PCDH15: variants seen among roughly 807,000 people sequenced by gnomAD.
PCDH15 encodes the protein protocadherin-15.
Under a neutral mutation model 178.5 loss-of-function variants are expected in PCDH15, and 129 were observed. That is an observed-to-expected ratio of 0.72 (90% CI 0.63 to 0.84). The LOEUF is 0.84. PCDH15 is among the 40% of genes least tolerant of loss of function. The pLI, the probability that PCDH15 is intolerant of heterozygous loss-of-function variation, is 0.00. For missense variants in PCDH15, 2,230 were observed against 2,099.9 expected, an observed-to-expected ratio of 1.06 and a Z score of -1.21; for synonymous variants, 800 against 732.0, an observed-to-expected ratio of 1.09 and a Z score of -1.50.
At chr10:54,727,069 A>G (rs527522042) in intron 1 of PCDH15, among the ~76,000 whole-genome samples, 1 of 151,492 alleles carries the variant, frequency 6.6e-6, no homozygotes, top group Non-Finnish European at 1.5e-5. Flanking sequence ...ACATTTGAGA[A>G]CTATACTCAA....
intron 2 of PCDH15, among the ~76,000 whole-genome samples, chr10:55,455,879 T>G (rs1839539926): frequency 1.3e-5 from 2 of 152,140 alleles, no homozygotes; most frequent in Admixed American, 1.3e-4. Flanking sequence ...GATTTGAGTG[T>G]TAAATTAAGT....
chr10:55,612,453 A>AG (rs1205720471), intron 2 of PCDH15, among the ~76,000 whole-genome samples: 1 of 152,104 alleles, frequency 6.6e-6, no homozygotes, highest in African/African-American at 2.4e-5. Flanking sequence ...AAGACAGGAA[A>AG]GGGGGGACTG....
chr10:54,038,638 G>A (rs549441653), intron 18 of PCDH15, among the ~76,000 whole-genome samples: 4 of 151,954 alleles, frequency 2.6e-5, no homozygotes, highest in African/African-American at 7.2e-5. Context: ...CTGTAGATAA[G>A]GTCATCTCTG....
At chr10:55,357,543 G>A (rs1433954066) in intron 2 of PCDH15, among the ~76,000 whole-genome samples, 2 of 151,932 alleles carry the variant, frequency 1.3e-5, no homozygotes, top group Non-Finnish European at 2.9e-5. Context: ...TTTTTTAAGT[G>A]TCAGGGATAG....
chr10:55,615,562 C>T (rs1430751350), intron 2 of PCDH15, among the ~76,000 whole-genome samples: 1 of 152,010 alleles, frequency 6.6e-6, no homozygotes, highest in Non-Finnish European at 1.5e-5. Flanking sequence ...AGCTTTCTAC[C>T]ACTAGAAATT....
chr10:54,516,710 C>A (rs557847057), intron 3 of PCDH15, among the ~76,000 whole-genome samples: 1 of 151,366 alleles, frequency 6.6e-6, no homozygotes, highest in Non-Finnish European at 1.5e-5. Flanking sequence ...ATACAGAGAA[C>A]GCCACAAAGA....
intron 2 of PCDH15, among the ~76,000 whole-genome samples, chr10:54,660,534 T>C (rs1349375159): frequency 6.6e-6 from 1 of 152,052 alleles, no homozygotes; most frequent in Non-Finnish European, 1.5e-5. Context: ...TTACCAGACA[T>C]AGAAAGAGCT....
At chr10:55,597,323 G>A (rs933972924) in intron 2 of PCDH15, 16 of 151,942 alleles carry the variant, frequency 1.1e-4, no homozygotes, top group Non-Finnish European at 4.4e-5. Flanking sequence ...TAATTTAAAG[G>A]ACTACTTCTG....
At chr10:55,012,787 G>A (rs752575667) in intron 2 of PCDH15, among the ~76,000 whole-genome samples, 6 of 151,720 alleles carry the variant, frequency 4.0e-5, no homozygotes, top group Non-Finnish European at 7.4e-5. Context: ...ACAGTGCAAG[G>A]CCCCTTTATC....
intron 3 of PCDH15, among the ~76,000 whole-genome samples, chr10:54,523,111 T>G (rs772185775): frequency 2.6e-5 from 4 of 152,198 alleles, no homozygotes; most frequent in Non-Finnish European, 5.9e-5. Context: ...AGCTTAGTGC[T>G]AACCAGGTCA....
At chr10:54,238,565 G>A (rs12240315) in intron 8 of PCDH15, among the ~76,000 whole-genome samples, 2,944 of 151,490 alleles carry the variant, frequency 0.019, 75 homozygotes, top group African/African-American at 0.067. Context: ...TCAGAACCAC[G>A]AAAATACCAA....
intron 2 of PCDH15, among the ~76,000 whole-genome samples, chr10:55,536,442 T>C (rs1841579779): frequency 1.3e-5 from 2 of 152,128 alleles, no homozygotes; most frequent in African/African-American, 4.8e-5. Context: ...TATCTTTAAA[T>C]GTGAAGGTTT....
chr10:55,315,732 T>C (rs535495685), intron 1 of PCDH15, among the ~76,000 whole-genome samples: 2 of 152,250 alleles, frequency 1.3e-5, no homozygotes, highest in Admixed American at 1.3e-4. Context: ...AATACAAATA[T>C]TTTGGCTGGG....
At chr10:53,901,965 C>T (rs752029575) in intron 26 of PCDH15, among the ~76,000 whole-genome samples, 2 of 152,078 alleles carry the variant, frequency 1.3e-5, no homozygotes, top group Non-Finnish European at 2.9e-5. Flanking sequence ...CTGCATTACT[C>T]GGGTGGAAAC....
chr10:54,864,540 T>C (rs1591750873), intron 3 of PCDH15: 1 of 152,132 alleles, frequency 6.6e-6, no homozygotes. Flanking sequence ...TCCTGAAACT[T>C]AGTGGCAAAG....
chr10:55,093,504 C>T (rs1027315450), intron 2 of PCDH15, among the ~76,000 whole-genome samples: 21 of 152,046 alleles, frequency 1.4e-4, no homozygotes, highest in Admixed American at 2.6e-4. Context: ...TTGTCAATTT[C>T]GGCTTTTGTT....
chr10:54,004,640 T>A (rs1483905429), intron 20 of PCDH15, among the ~76,000 whole-genome samples: 1 of 151,994 alleles, frequency 6.6e-6, no homozygotes, highest in Non-Finnish European at 1.5e-5. Flanking sequence ...AAAACATGGA[T>A]TCAAGAAAAT....
intron 2 of PCDH15, among the ~76,000 whole-genome samples, chr10:55,594,164 G>A (rs1842897936): frequency 6.6e-6 from 1 of 151,820 alleles, no homozygotes; most frequent in African/African-American, 2.4e-5. Context: ...GTGAAAATAT[G>A]TTTCCAGTGT....
Position 55,246,905 on chromosome 10 carries a change from G to A in PCDH15, c.-156+72694C>T, listed in dbSNP as rs1016247623. ...CACAAAATGCAAAATATCCCCTTTG[G>A]TCTAAACTTTCAGTGCTATTTTTCT... On this transcript the variant is annotated intron_variant, in intron 1 of 5. Transcript: ENST00000458638. Among the ~76,000 whole-genome samples, 64 of 151,962 alleles carry A rather than the reference G, an allele frequency of 4.2e-4. 3 individuals are homozygous for A. Among genetic ancestry groups the A allele is most frequent in the Non-Finnish European group, 5.9e-5 (4 of 67,962 alleles).
Sources: gnomAD v4.1 joint callset for allele counts (sites outside exome capture counted in the v4.1 genomes callset) on GRCh38, gnomAD v4.1.1 for gene constraint, MANE v1.5 for transcripts, NCBI Gene and HGNC (gene_info 2026-07-23, HGNC 2026-07-21) for gene names.